Variants in SRGAP3 observed in about 807,000 individuals in gnomAD.
SRGAP3 encodes SLIT-ROBO Rho GTPase activating protein 3, also known as SLIT-ROBO Rho GTPase-activating protein 3.
In SRGAP3, 39 loss-of-function variants were observed where a neutral mutation model predicts 121.1. That is an observed-to-expected ratio of 0.32 (90% confidence interval 0.25 to 0.42). SRGAP3 has a LOEUF of 0.42. Among genes scored for constraint, SRGAP3 ranks in the 10% least tolerant of loss-of-function variants. The probability of loss-of-function intolerance (pLI) is 1.00; values close to 1 mark genes in which losing one functional copy is unlikely to be tolerated. For synonymous variants in SRGAP3, 601 were observed against 570.0 expected (o/e 1.05, Z -0.77); for missense variants, 1,213 against 1,470.6 (o/e 0.82, Z 2.86).
chr3:9,204,892 C>T (rs1334805439), intron 1 of SRGAP3, among the ~76,000 whole-genome samples: 1 of 152,238 alleles, frequency 6.6e-6, no homozygotes, highest in Non-Finnish European at 1.5e-5. Context: ...TGGAGGCAGC[C>T]AAGAACTGCA....
At chr3:9,017,791 T>C (rs1943713281) in intron 14 of SRGAP3, among the ~76,000 whole-genome samples, 1 of 152,232 alleles carries the variant, frequency 6.6e-6, no homozygotes. Flanking sequence ...ATAGAATGTA[T>C]AATGATCAAG....
chr3:9,113,042 C>G (rs1471835989), intron 2 of SRGAP3, among the ~76,000 whole-genome samples: 3 of 152,194 alleles, frequency 2.0e-5, no homozygotes, highest in African/African-American at 7.2e-5. Flanking sequence ...CTAGAACTGA[C>G]AGAAAGTGAG....
chr3:8,984,186 T>C lies in SRGAP3; in HGVS notation c.*1333A>G, dbSNP rs925678257. 2 of 230,548 alleles carry C rather than the reference T, an allele frequency of 8.7e-6. No individual in the cohort carries two copies. Among genetic ancestry groups the C allele is most frequent in the Non-Finnish European group, 1.7e-5 (2 of 116,518 alleles). The allele number at this position is 230,548 out of a possible 1,614,324, so 14.3% of individuals were successfully genotyped here. ...CACTAAATGTTCTGGAGGGAGTGGG[T>C]GAAGGGGGAGGGAAGGGAAGCTATG... On this transcript the variant is annotated 3_prime_UTR_variant, in exon 22 of 22. Coordinates refer to ENST00000383836, the MANE Select transcript of SRGAP3 (RefSeq NM_014850.4).
At chr3:9,070,791 A>T (rs1024651532) in intron 4 of SRGAP3, among the ~76,000 whole-genome samples, 1 of 152,220 alleles carries the variant, frequency 6.6e-6, no homozygotes, top group East Asian at 1.9e-4. Flanking sequence ...TGAGCAGTTC[A>T]TTATGTGCCA....
At chr3:9,192,943 A>C (rs551180793) in intron 1 of SRGAP3, 1 of 154,914 alleles carries the variant, frequency 6.5e-6, no homozygotes, top group Non-Finnish European at 1.4e-5. Context: ...CTGAGGGAGG[A>C]GAGCTGAAGC....
chr3:9,308,904 AG>A (rs1955199610), intron 3 of SRGAP3, among the ~76,000 whole-genome samples: 1 of 152,188 alleles, frequency 6.6e-6, no homozygotes, highest in African/African-American at 2.4e-5. Context: ...TTTAGAAACC[AG>A]GATCCCTGAG....
chr3:9,313,023 G>A (rs1955276192), intron 3 of SRGAP3, among the ~76,000 whole-genome samples: 1 of 151,640 alleles, frequency 6.6e-6, no homozygotes, highest in African/African-American at 2.4e-5. Flanking sequence ...AAAAACAAAC[G>A]TCATCTTCCT....
intron 21 of SRGAP3, among the ~76,000 whole-genome samples, chr3:8,987,490 C>T (rs1363234309): frequency 6.6e-6 from 1 of 152,184 alleles, no homozygotes; most frequent in South Asian, 2.1e-4. Flanking sequence ...ATGCTGGGGC[C>T]GGCCCCTTTC....
chr3:9,130,313 C>T (rs1368834510), intron 1 of SRGAP3, among the ~76,000 whole-genome samples: 5 of 152,310 alleles, frequency 3.3e-5, no homozygotes, highest in East Asian at 3.9e-4. Flanking sequence ...CAAGGTCACA[C>T]GTCGTTCTCT....
chr3:9,136,137 C>G (rs1389243665), intron 1 of SRGAP3, among the ~76,000 whole-genome samples: 1 of 152,242 alleles, frequency 6.6e-6, no homozygotes, highest in East Asian at 1.9e-4. Flanking sequence ...TGCTGGTTCC[C>G]CTTCCCCGCC....
At chr3:9,288,130 G>GTTTTTTTTTTTTTTTTTTTTTTTTTTTT (rs57076828) in intron 3 of SRGAP3, among the ~76,000 whole-genome samples, 3 of 119,100 alleles carry the variant, frequency 2.5e-5, no homozygotes, top group Non-Finnish European at 3.4e-5. Context: ...TTCTATCTTT[G>GTTTTTTTTTTTTTTTTTTTTTTTTTTTT]TTTTTTTTTT....
chr3:9,194,169 C>A (rs1951850630), intron 1 of SRGAP3: 1 of 152,142 alleles, frequency 6.6e-6, no homozygotes, highest in Non-Finnish European at 1.5e-5. Context: ...CTCTAGATCC[C>A]AAATGGGGAC....
chr3:8,998,071 G>A (rs929316772), intron 18 of SRGAP3, among the ~76,000 whole-genome samples: 3 of 151,934 alleles, frequency 2.0e-5, no homozygotes, highest in Admixed American at 6.6e-5. Context: ...TTGTAGCAAC[G>A]GGGGTCTCAC....
intron 1 of SRGAP3, among the ~76,000 whole-genome samples, chr3:9,130,620 C>T (rs1018339655): frequency 1.3e-5 from 2 of 152,190 alleles, no homozygotes; most frequent in East Asian, 1.9e-4. Context: ...GATGCTAGAC[C>T]GAGGCCCCTA....
chr3:9,144,681 T>C (rs970598678), intron 1 of SRGAP3, among the ~76,000 whole-genome samples: 7 of 152,184 alleles, frequency 4.6e-5, no homozygotes, highest in African/African-American at 1.7e-4. Context: ...AAGAAGTGCC[T>C]TTCACCTCCC....
At chr3:8,994,002 G>A in intron 19 of SRGAP3, 1 of 380,066 alleles carries the variant, frequency 2.6e-6, no homozygotes, top group Non-Finnish European at 5.0e-6. Flanking sequence ...TAGAACCGTA[G>A]GCAGGGGAGG....
intron 1 of SRGAP3, among the ~76,000 whole-genome samples, chr3:9,179,157 C>A (rs1951288282): frequency 6.6e-6 from 1 of 152,218 alleles, no homozygotes; most frequent in Non-Finnish European, 1.5e-5. Context: ...CTGGATCACT[C>A]CTCTGGGGGT....
At chr3:9,251,776 C>G (rs976458812), upstream of SRGAP3, among the ~76,000 whole-genome samples, 7 of 152,190 alleles carry the variant, frequency 4.6e-5, no homozygotes, top group African/African-American at 1.4e-4. Context: ...GCGCTCTGAG[C>G]TGACACCTGG....
chr3:9,040,293 T>C (rs6783248), intron 10 of SRGAP3, among the ~76,000 whole-genome samples: 1 of 152,124 alleles, frequency 6.6e-6, no homozygotes, highest in Admixed American at 6.6e-5. Flanking sequence ...CCTCTTACTC[T>C]GTTTTATAAA....
Sources: gnomAD v4.1 joint callset for allele counts (sites outside exome capture counted in the v4.1 genomes callset) on GRCh38, gnomAD v4.1.1 for gene constraint, MANE v1.5 for transcripts, NCBI Gene and HGNC (gene_info 2026-07-23, HGNC 2026-07-21) for gene names.